The following C1GALT1 variants were observed in gnomAD, a reference collection of about 807,000 sequenced individuals.
C1GALT1 encodes the protein core 1 synthase, glycoprotein-N-acetylgalactosamine 3-beta-galactosyltransferase 1, also known as glycoprotein-N-acetylgalactosamine 3-beta-galactosyltransferase 1.
C1GALT1 carries 11 observed loss-of-function variants against 31.0 expected under a neutral mutation model. That is an observed-to-expected ratio of 0.36 (90% CI 0.22 to 0.59). The LOEUF (loss-of-function observed/expected upper bound fraction) is 0.59. Among genes scored for constraint, C1GALT1 ranks in the 20% least tolerant of loss-of-function variants. The pLI is 0.79. For missense variants in C1GALT1, 424 were observed against 425.2 expected (o/e 1.00, Z 0.03); for synonymous variants, 175 against 143.6 (o/e 1.22, Z -1.56).
intron 2 of C1GALT1, among the ~76,000 whole-genome samples, chr7:7,158,082 C>G (rs1211045711): frequency 6.6e-6 from 1 of 152,220 alleles, no homozygotes; most frequent in Non-Finnish European, 1.5e-5. Context: ...CTGTTACCCT[C>G]ACATGACCAC....
intron 1 of C1GALT1, among the ~76,000 whole-genome samples, chr7:7,206,268 C>T (rs1294555239): frequency 2.0e-5 from 3 of 151,614 alleles, no homozygotes; most frequent in Non-Finnish European, 4.4e-5. Flanking sequence ...TTTATAATTG[C>T]CTATGTATTT....
intron 1 of C1GALT1, among the ~76,000 whole-genome samples, chr7:7,194,282 T>G (rs10279376): frequency 2.6e-5 from 4 of 151,912 alleles, no homozygotes; most frequent in Non-Finnish European, 5.9e-5. Flanking sequence ...TCAACCTTTC[T>G]CCATTCAGTA....
intron 1 of C1GALT1, among the ~76,000 whole-genome samples, chr7:7,203,284 A>T (rs1781597565): frequency 6.6e-6 from 1 of 152,016 alleles, no homozygotes; most frequent in Admixed American, 6.5e-5. Context: ...CTTGTTGTAG[A>T]TCTTAGAGGA....
At chr7:7,173,316 T>C (rs1259228957) in intron 2 of C1GALT1, among the ~76,000 whole-genome samples, 1 of 151,924 alleles carries the variant, frequency 6.6e-6, no homozygotes, top group East Asian at 1.9e-4. Context: ...CCTTCTGCCA[T>C]GATTGCAAGC....
chr7:7,242,210 CTTTTTT>C (rs79025784), intron 3 of C1GALT1, among the ~76,000 whole-genome samples: 1 of 132,286 alleles, frequency 7.6e-6, no homozygotes, highest in African/African-American at 2.7e-5. Context: ...TGAAATTTCA[CTTTTTT>C]TTTTTTTTTT....
chr7:7,236,061 ATC>A (rs1783325397), intron 2 of C1GALT1, among the ~76,000 whole-genome samples: 1 of 152,136 alleles, frequency 6.6e-6, no homozygotes, highest in South Asian at 2.1e-4. Context: ...CTAGGTCCCT[ATC>A]TACTGCTCTG....
chr7:7,219,087 C>G (rs981777010), intron 1 of C1GALT1, among the ~76,000 whole-genome samples: 12 of 152,168 alleles, frequency 7.9e-5, no homozygotes, highest in African/African-American at 2.7e-4. Flanking sequence ...ATCCGCCCGC[C>G]TCGGCCTCCC....
At chr7:7,225,006 T>G (rs1163984617) in intron 1 of C1GALT1, among the ~76,000 whole-genome samples, 2 of 150,602 alleles carry the variant, frequency 1.3e-5, no homozygotes, top group African/African-American at 4.9e-5. Flanking sequence ...TGTTATTCCC[T>G]TCTTTGTGTC....
At chr7:7,215,119 G>A (rs1172082991) in intron 1 of C1GALT1, among the ~76,000 whole-genome samples, 1 of 152,178 alleles carries the variant, frequency 6.6e-6, no homozygotes, top group Non-Finnish European at 1.5e-5. Context: ...CGCGGTTACA[G>A]ATCGTGTTCC....
chr7:7,215,983 T>C (rs1015848945), intron 1 of C1GALT1, among the ~76,000 whole-genome samples: 1 of 150,404 alleles, frequency 6.6e-6, no homozygotes, highest in Non-Finnish European at 1.5e-5. Flanking sequence ...GAAAGTTACT[T>C]TTTTTTTTAA....
Position 7,182,800 on chromosome 7 carries a change from G to C in C1GALT1, c.-38G>C. ...TCTCCGCCCCCCAGGAGGGGCGAGA[G>C]GGAGCCGCAGCTGATGTCAGGTATG... On this transcript the variant is annotated 5_prime_UTR_variant, in exon 1 of 4. Coordinates refer to ENST00000436587, the MANE Select transcript of C1GALT1 (RefSeq NM_020156.5). 1 of 985,590 alleles carries C rather than the reference G, an allele frequency of 1.0e-6. No individual in the cohort carries two copies. Among genetic ancestry groups the C allele is most frequent in the East Asian group, 1.1e-4 (1 of 8,808 alleles). 61.1% of individuals were successfully genotyped at this position (985,590 alleles called of 1,614,324 possible).
chr7:7,225,221 T>C (rs1173298896), intron 1 of C1GALT1, among the ~76,000 whole-genome samples: 1 of 152,242 alleles, frequency 6.6e-6, no homozygotes, highest in African/African-American at 2.4e-5. Flanking sequence ...TCTTTTTTAA[T>C]GTAAACAGTT....
chr7:7,232,676 G>A (rs1039779355), intron 1 of C1GALT1, among the ~76,000 whole-genome samples: 6 of 152,112 alleles, frequency 3.9e-5, no homozygotes, highest in African/African-American at 1.4e-4. Context: ...TTTTAGTAGA[G>A]ATGGGGTTTC....
intron 1 of C1GALT1, among the ~76,000 whole-genome samples, chr7:7,224,981 G>C (rs1209580525): frequency 6.6e-6 from 1 of 152,038 alleles, no homozygotes; most frequent in African/African-American, 2.4e-5. Context: ...CCAGTCTTAG[G>C]TAGTTTCTGG....
chr7:7,191,971 C>T (rs1229631411), intron 1 of C1GALT1, among the ~76,000 whole-genome samples: 1 of 151,976 alleles, frequency 6.6e-6, no homozygotes, highest in Non-Finnish European at 1.5e-5. Context: ...AAAAATTTTT[C>T]ATCAAATCTA....
chr7:7,190,458 A>G (rs1309578510), intron 1 of C1GALT1, among the ~76,000 whole-genome samples: 1 of 152,162 alleles, frequency 6.6e-6, no homozygotes, highest in African/African-American at 2.4e-5. Flanking sequence ...ATAAAATTTC[A>G]AATAACATAG....
intron 1 of C1GALT1, among the ~76,000 whole-genome samples, chr7:7,189,268 T>A (rs1780953020): frequency 6.6e-6 from 1 of 152,118 alleles, no homozygotes; most frequent in Non-Finnish European, 1.5e-5. Context: ...CTTCTATGAT[T>A]ATATCTGTAA....
intron 2 of C1GALT1, among the ~76,000 whole-genome samples, chr7:7,237,537 A>G (rs916721249): frequency 1.3e-5 from 2 of 152,178 alleles, no homozygotes; most frequent in Non-Finnish European, 2.9e-5. Context: ...GCAAACCTGT[A>G]GTTTAAAGAG....
At chr7:7,197,684 T>G (rs1291247747) in intron 1 of C1GALT1, among the ~76,000 whole-genome samples, 2 of 152,198 alleles carry the variant, frequency 1.3e-5, no homozygotes, top group Non-Finnish European at 2.9e-5. Context: ...GCATGGAATG[T>G]TCTTCCATTT....
Sources: gnomAD v4.1 joint callset for allele counts (sites outside exome capture counted in the v4.1 genomes callset) on GRCh38, gnomAD v4.1.1 for gene constraint, MANE v1.5 for transcripts, NCBI Gene and HGNC (gene_info 2026-07-23, HGNC 2026-07-21) for gene names.